PEBP4: variants seen among roughly 807,000 people sequenced by gnomAD.
The protein encoded by PEBP4 is phosphatidylethanolamine binding protein 4, also known as phosphatidylethanolamine-binding protein 4.
PEBP4 carries 22 observed loss-of-function variants against 23.9 expected under a neutral mutation model. That is an observed-to-expected ratio of 0.92 (90% CI 0.66 to 1.31). The LOEUF is 1.31. PEBP4 is among the 40% of genes most tolerant of loss of function. The probability of loss-of-function intolerance (pLI) is 0.00; values close to 1 mark genes in which losing one functional copy is unlikely to be tolerated. For synonymous variants in PEBP4, 112 were observed against 99.3 expected (o/e 1.13, Z -0.76); for missense variants, 324 against 281.7 (o/e 1.15, Z -1.07).
At chr8:22,904,491 C>T (rs1422969678) in intron 3 of PEBP4, among the ~76,000 whole-genome samples, 2 of 152,202 alleles carry the variant, frequency 1.3e-5, no homozygotes, top group African/African-American at 2.4e-5. Context: ...AAGCCTTTTC[C>T]TCTTAGCGTT....
chr8:22,717,946 C>T (rs187548351), intron 6 of PEBP4, among the ~76,000 whole-genome samples: 33 of 152,222 alleles, frequency 2.2e-4, no homozygotes, highest in Admixed American at 9.2e-4. Context: ...AATGATGTCC[C>T]GGCGGTGGTA....
intron 3 of PEBP4, among the ~76,000 whole-genome samples, chr8:22,868,777 G>A (rs779235812): frequency 1.1e-4 from 17 of 152,050 alleles, no homozygotes; most frequent in Admixed American, 6.6e-4. Context: ...ACGTCTCACC[G>A]ACTTCACCTC....
intron 4 of PEBP4, among the ~76,000 whole-genome samples, chr8:22,738,097 T>TTGGGCCTGCCCCGC (rs1335424247): frequency 2.6e-5 from 4 of 152,186 alleles, no homozygotes; most frequent in African/African-American, 9.6e-5. Context: ...GCTGTGAATG[T>TTGGGCCTGCCCCGC]TGGGCCTGCC....
intron 3 of PEBP4, among the ~76,000 whole-genome samples, chr8:22,876,640 C>T (rs553241620): frequency 2.8e-4 from 42 of 152,300 alleles, no homozygotes; most frequent in African/African-American, 9.4e-4. Flanking sequence ...CGTGCTTCAT[C>T]GATGACAGTG....
intron 3 of PEBP4, among the ~76,000 whole-genome samples, chr8:22,821,940 G>A (rs1009708244): frequency 6.7e-6 from 1 of 148,486 alleles, no homozygotes; most frequent in African/African-American, 2.5e-5. Flanking sequence ...AGCCGAGATC[G>A]CGCCATTGCA....
intron 4 of PEBP4, among the ~76,000 whole-genome samples, chr8:22,779,024 C>T (rs1324408314): frequency 7.0e-6 from 1 of 143,798 alleles, no homozygotes; most frequent in African/African-American, 2.6e-5. Context: ...CTAATCCTCA[C>T]AGCACTGATC....
At chr8:22,920,133 C>T (rs780922988) in intron 3 of PEBP4, 51 bp downstream of exon 3, 4 of 1,582,780 alleles carry the variant, frequency 2.5e-6, no homozygotes, top group Admixed American at 1.7e-5. Flanking sequence ...CCTGGAGGAA[C>T]ATCAAGACCC....
intron 3 of PEBP4, among the ~76,000 whole-genome samples, chr8:22,914,795 T>C (rs1011744758): frequency 6.6e-6 from 1 of 152,148 alleles, no homozygotes; most frequent in African/African-American, 2.4e-5. Flanking sequence ...TGGGTTTCTG[T>C]GCAGAAGTCG....
chr8:22,938,015 T>C (rs1266772877), intron 1 of PEBP4, among the ~76,000 whole-genome samples: 2 of 152,114 alleles, frequency 1.3e-5, no homozygotes, highest in Non-Finnish European at 2.9e-5. Context: ...CTTCATGACA[T>C]TGGATTTGGC....
At chr8:22,864,723 T>A (rs1457500090) in intron 3 of PEBP4, among the ~76,000 whole-genome samples, 1 of 152,182 alleles carries the variant, frequency 6.6e-6, no homozygotes, top group Admixed American at 6.5e-5. Flanking sequence ...TGTAGCACCT[T>A]CTCGGCAGAG....
chr8:22,823,806 A>C (rs1350100933), intron 3 of PEBP4, among the ~76,000 whole-genome samples: 2 of 152,200 alleles, frequency 1.3e-5, no homozygotes, highest in East Asian at 3.8e-4. Flanking sequence ...AAAAAGACTA[A>C]TAACTCAATA....
intron 3 of PEBP4, among the ~76,000 whole-genome samples, chr8:22,866,074 G>A (rs1490985348): frequency 6.6e-6 from 1 of 152,192 alleles, no homozygotes; most frequent in African/African-American, 2.4e-5. Context: ...CGAGCCCCAA[G>A]AAATCAGGAA....
chr8:22,836,868 G>A (rs2128764956), intron 3 of PEBP4, among the ~76,000 whole-genome samples: 2 of 151,788 alleles, frequency 1.3e-5, no homozygotes, highest in East Asian at 3.9e-4. Context: ...GAGAGAAGAG[G>A]AAACTGATGG....
At chr8:22,787,942 G>T (rs768621422) in intron 4 of PEBP4, among the ~76,000 whole-genome samples, 1 of 152,144 alleles carries the variant, frequency 6.6e-6, no homozygotes, top group East Asian at 1.9e-4. Context: ...TTTACGTTTC[G>T]TTGATAACGC....
intron 4 of PEBP4, among the ~76,000 whole-genome samples, chr8:22,811,216 T>G (rs543137382): frequency 6.6e-6 from 1 of 152,322 alleles, no homozygotes; most frequent in East Asian, 1.9e-4. Flanking sequence ...GAAAAAAAGC[T>G]ATTTCAAATG....
chr8:22,901,269 G>A (rs1283631808), intron 3 of PEBP4, among the ~76,000 whole-genome samples: 1 of 152,186 alleles, frequency 6.6e-6, no homozygotes, highest in Non-Finnish European at 1.5e-5. Context: ...AGGGAAGCAA[G>A]CGAAGACAGT....
intron 4 of PEBP4, among the ~76,000 whole-genome samples, chr8:22,759,312 G>A (rs1427556121): frequency 6.6e-6 from 1 of 151,998 alleles, no homozygotes; most frequent in Non-Finnish European, 1.5e-5. Flanking sequence ...GTCCTCTTGA[G>A]TCCTGGCTTC....
At chr8:22,760,580 A>G (rs1001713579) in intron 4 of PEBP4, among the ~76,000 whole-genome samples, 1 of 152,048 alleles carries the variant, frequency 6.6e-6, no homozygotes. Flanking sequence ...CAGGGGGGGC[A>G]GTTGAGTGGA....
At chr8:22,790,666 G>A (rs1806119672) in intron 4 of PEBP4, among the ~76,000 whole-genome samples, 1 of 152,194 alleles carries the variant, frequency 6.6e-6, no homozygotes, top group Non-Finnish European at 1.5e-5. Context: ...TGAAGGCTCA[G>A]TGTTCTAGTT....
Sources: gnomAD v4.1 joint callset for allele counts (sites outside exome capture counted in the v4.1 genomes callset) on GRCh38, gnomAD v4.1.1 for gene constraint, MANE v1.5 for transcripts, NCBI Gene and HGNC (gene_info 2026-07-23, HGNC 2026-07-21) for gene names.